The following CACNA2D3 variants were observed in gnomAD, a reference collection of about 807,000 sequenced individuals.
CACNA2D3 encodes voltage-dependent calcium channel subunit alpha-2/delta-3.
In CACNA2D3, 60 loss-of-function variants were observed where a neutral mutation model predicts 160.6. The observed-to-expected ratio is 0.37, with a 90% CI of 0.30 to 0.46. The LOEUF (loss-of-function observed/expected upper bound fraction) is 0.46, where lower values mean the gene tolerates loss of function less well. Among genes scored for constraint, CACNA2D3 ranks in the 20% least tolerant of loss-of-function variants. The pLI is 1.00. For synonymous variants in CACNA2D3, 558 were observed against 492.9 expected (o/e 1.13, Z -1.75); for missense variants, 1,205 against 1,365.0 (o/e 0.88, Z 1.85).
intron 2 of CACNA2D3, among the ~76,000 whole-genome samples, chr3:54,237,063 T>C (rs1701893363): frequency 6.6e-6 from 1 of 151,802 alleles, no homozygotes; most frequent in Non-Finnish European, 1.5e-5. Context: ...GTCTAATGAC[T>C]CTGCTTAATG....
intron 13 of CACNA2D3, among the ~76,000 whole-genome samples, chr3:54,799,320 G>A (rs1702933801): frequency 6.6e-6 from 1 of 152,132 alleles, no homozygotes; most frequent in Admixed American, 6.5e-5. Flanking sequence ...ATATTTATTT[G>A]ATTCTGCCAC....
At chr3:54,169,558 A>AAAAT (rs780890804) in intron 2 of CACNA2D3, among the ~76,000 whole-genome samples, 2 of 152,240 alleles carry the variant, frequency 1.3e-5, no homozygotes, top group African/African-American at 2.4e-5. Flanking sequence ...GGAAAAACAG[A>AAAAT]AAATAAATAA....
intron 2 of CACNA2D3, among the ~76,000 whole-genome samples, chr3:54,149,928 T>A (rs13069304): frequency 5.6e-5 from 2 of 35,550 alleles, no homozygotes; most frequent in Non-Finnish European, 1.1e-4. Flanking sequence ...TCTCTCTCTC[T>A]CTCCCTCCCT....
At chr3:54,908,476 G>A (rs1214716802) in intron 27 of CACNA2D3, among the ~76,000 whole-genome samples, 1 of 152,192 alleles carries the variant, frequency 6.6e-6, no homozygotes, top group Non-Finnish European at 1.5e-5. Flanking sequence ...AATGCTTTGG[G>A]AGGCTGAGTC....
At position 54,303,818 on chromosome 3, in the gene CACNA2D3, G is replaced by GTTTTTTGTTTTTTTTTTTTTT. The variant is rs59534343; in HGVS notation, c.205-16618_205-16617insGTTTTTTTTTTTTTTTTTTTT. 1.0e-4 allele frequency among the ~76,000 whole-genome samples: 12 copies of GTTTTTTGTTTTTTTTTTTTTT among 115,006 alleles called. 1 individual carries two copies. The highest frequency in any genetic ancestry group is 1.7e-4 in the African/African-American group (5 of 29,508). The allele number at this position is 115,006 out of a possible 152,430, so 75.4% of individuals were successfully genotyped here. On this transcript the variant is annotated intron_variant, in intron 2 of 37. Transcript: ENST00000474759. The stretch of plus-strand genomic sequence containing the variant: ...CAGCCTCATCAGTGACTTTTTTTCT[G>GTTTTTTGTTTTTTTTTTTTTT]TTTTTTTTTTTTTTTTTTTTCTATT...
intron 2 of CACNA2D3, among the ~76,000 whole-genome samples, chr3:54,248,591 A>G (rs185999899): frequency 2.0e-5 from 3 of 152,350 alleles, no homozygotes; most frequent in East Asian, 1.9e-4. Context: ...AGGAATCCAC[A>G]GGCACAGAGA....
chr3:54,535,304 T>G (rs1338559379), intron 5 of CACNA2D3, among the ~76,000 whole-genome samples: 11 of 152,242 alleles, frequency 7.2e-5, no homozygotes, highest in African/African-American at 2.7e-4. Flanking sequence ...ATTTTAAAAT[T>G]TAGGACTCAC....
At chr3:54,646,122 C>T (rs1262166120) in intron 11 of CACNA2D3, among the ~76,000 whole-genome samples, 39 of 75,248 alleles carry the variant, frequency 5.2e-4, no homozygotes, top group Non-Finnish European at 1.3e-3. Context: ...TTCCTTCCTT[C>T]CTTTCTTCCT....
chr3:54,827,358 AAGGT>A (rs1273558412), intron 14 of CACNA2D3, among the ~76,000 whole-genome samples: 5 of 152,258 alleles, frequency 3.3e-5, no homozygotes, highest in Non-Finnish European at 7.3e-5. Flanking sequence ...TGGATATGGA[AAGGT>A]AGGCGTGTGG....
chr3:54,263,248 T>C (rs956285774), intron 2 of CACNA2D3, among the ~76,000 whole-genome samples: 9 of 152,222 alleles, frequency 5.9e-5, no homozygotes, highest in Non-Finnish European at 1.3e-4. Flanking sequence ...TTATTCATAG[T>C]CCTATTTGGA....
Position 54,320,833 on chromosome 3 carries a change from A to G in CACNA2D3, c.321+275A>G, listed in dbSNP as rs1559448940. On this transcript the variant is annotated intron_variant, in intron 3 of 37. Coordinates refer to ENST00000474759, the MANE Select transcript of CACNA2D3 (RefSeq NM_018398.3). ...GTACAGCCATACAACGTGGGCCTGT[A>G]ACTGTATGATGCATTCAGTAATGGC... 2.0e-5 allele frequency among the ~76,000 whole-genome samples: 3 copies of G among 152,220 alleles called. No homozygotes were observed. The South Asian group carries it at 6.2e-4, about 32-fold the overall frequency.
intron 11 of CACNA2D3, among the ~76,000 whole-genome samples, chr3:54,692,483 TG>T (rs1700588662): frequency 6.6e-6 from 1 of 152,206 alleles, no homozygotes; most frequent in Non-Finnish European, 1.5e-5. Context: ...ACTCAGGGCC[TG>T]GGTGCCCAGC....
intron 11 of CACNA2D3, among the ~76,000 whole-genome samples, chr3:54,683,883 T>C (rs1413329871): frequency 1.3e-5 from 2 of 152,046 alleles, no homozygotes; most frequent in Non-Finnish European, 1.5e-5. Flanking sequence ...GTTCCTTGGA[T>C]TGTGGCAGCA....
At chr3:54,792,208 C>G (rs1702771842) in intron 13 of CACNA2D3, among the ~76,000 whole-genome samples, 1 of 152,126 alleles carries the variant, frequency 6.6e-6, no homozygotes, top group Admixed American at 6.6e-5. Flanking sequence ...TGCCTGAGGT[C>G]TATGTTTGGC....
At chr3:54,581,450 G>T (rs1294337835) in intron 8 of CACNA2D3, among the ~76,000 whole-genome samples, 6 of 152,112 alleles carry the variant, frequency 3.9e-5, no homozygotes, top group Admixed American at 3.9e-4. Context: ...CGCAACTCTG[G>T]GGTGCTCTTC....
chr3:54,254,306 T>C (rs1702253937), intron 2 of CACNA2D3, among the ~76,000 whole-genome samples: 2 of 152,146 alleles, frequency 1.3e-5, no homozygotes, highest in Non-Finnish European at 2.9e-5. Flanking sequence ...GTTCATTATC[T>C]TACAATCCAG....
chr3:54,994,544 A>G (rs932552764), intron 31 of CACNA2D3, among the ~76,000 whole-genome samples: 1 of 152,186 alleles, frequency 6.6e-6, no homozygotes, highest in Non-Finnish European at 1.5e-5. Flanking sequence ...TTTAAAATCC[A>G]AAAGCTGCTG....
At chr3:54,524,414 C>T (rs1276647312) in intron 5 of CACNA2D3, among the ~76,000 whole-genome samples, 1 of 151,972 alleles carries the variant, frequency 6.6e-6, no homozygotes, top group South Asian at 2.1e-4. Context: ...TGTTTTATGG[C>T]TTATCCTATG....
chr3:54,427,666 C>T (rs1031880009), intron 4 of CACNA2D3, among the ~76,000 whole-genome samples: 10 of 152,296 alleles, frequency 6.6e-5, no homozygotes, highest in South Asian at 2.1e-4. Context: ...CCTGCCAGTG[C>T]GGAGCGTCTA....
Sources: gnomAD v4.1 joint callset for allele counts (sites outside exome capture counted in the v4.1 genomes callset) on GRCh38, gnomAD v4.1.1 for gene constraint, MANE v1.5 for transcripts, NCBI Gene and HGNC (gene_info 2026-07-23, HGNC 2026-07-21) for gene names.